Variants in GRIK4 observed in about 807,000 individuals in gnomAD.
GRIK4 encodes the protein glutamate ionotropic receptor kainate type subunit 4.
GRIK4 carries 40 observed loss-of-function variants against 104.9 expected under a neutral mutation model. That is an observed-to-expected ratio of 0.38 (90% CI 0.30 to 0.50). GRIK4 has a LOEUF of 0.50. Among genes scored for constraint, GRIK4 ranks in the 20% least tolerant of loss-of-function variants. GRIK4 has a pLI of 0.93. For synonymous variants in GRIK4, 485 were observed against 524.9 expected (o/e 0.92, Z 1.04); for missense variants, 1,047 against 1,308.1 (o/e 0.80, Z 3.08).
intron 11 of GRIK4, among the ~76,000 whole-genome samples, chr11:120,881,460 A>G (rs1954965755): frequency 6.6e-6 from 1 of 152,214 alleles, no homozygotes; most frequent in Non-Finnish European, 1.5e-5. Flanking sequence ...AGGGCCAGTA[A>G]TAAGCCTTGT....
intron 3 of GRIK4, among the ~76,000 whole-genome samples, chr11:120,746,037 A>G (rs1338747901): frequency 6.6e-6 from 1 of 152,114 alleles, no homozygotes; most frequent in Non-Finnish European, 1.5e-5. Flanking sequence ...TTCCTGGGTG[A>G]AATGGGACCA....
chr11:120,530,184 A>G (rs541363053), intron 1 of GRIK4, among the ~76,000 whole-genome samples: 105 of 152,380 alleles, frequency 6.9e-4, no homozygotes, highest in African/African-American at 2.4e-3. Flanking sequence ...CAGGACATGT[A>G]GGGCTAATTC....
intron 1 of GRIK4, among the ~76,000 whole-genome samples, chr11:120,570,147 A>C (rs1196745435): frequency 7.5e-6 from 1 of 132,848 alleles, no homozygotes; most frequent in Non-Finnish European, 1.6e-5. Context: ...TCAAGGTCGA[A>C]AAGGCTGCAG....
intron 13 of GRIK4, among the ~76,000 whole-genome samples, chr11:120,932,097 C>T (rs948363569): frequency 1.3e-5 from 2 of 152,122 alleles, no homozygotes; most frequent in East Asian, 1.9e-4. Context: ...AGCCCTGTTC[C>T]ACCTTCTCAT....
intron 1 of GRIK4, among the ~76,000 whole-genome samples, chr11:120,588,707 G>A (rs1464435863): frequency 5.3e-5 from 8 of 152,100 alleles, no homozygotes; most frequent in African/African-American, 9.7e-5. Flanking sequence ...ATTTTGGGCC[G>A]CACAATTCCT....
chr11:120,632,369 T>A (rs916082784), intron 1 of GRIK4, among the ~76,000 whole-genome samples: 1 of 152,146 alleles, frequency 6.6e-6, no homozygotes, highest in Non-Finnish European at 1.5e-5. Flanking sequence ...CTCATAGATT[T>A]ATAAGGCTGA....
chr11:120,822,632 T>C (rs771379104), intron 6 of GRIK4, among the ~76,000 whole-genome samples: 2 of 152,246 alleles, frequency 1.3e-5, no homozygotes, highest in Non-Finnish European at 2.9e-5. Flanking sequence ...GCCACGTGGC[T>C]GGTGGCTGCT....
In GRIK4 at chr11:120,634,553, C is replaced by T. The variant is rs568648761; in HGVS notation, c.-158-19132C>T. Among the ~76,000 whole-genome samples, 11 of 152,282 alleles carry T rather than the reference C, an allele frequency of 7.2e-5. No individual in the cohort carries two copies. In the East Asian group the frequency reaches 2.1e-3, roughly 29 times the overall value. On this transcript the variant is annotated intron_variant, in intron 1 of 20. Coordinates refer to ENST00000527524, the MANE Select transcript of GRIK4 (RefSeq NM_014619.5). ...AGCCCTCCCAGACACCAAAGACTCT[C>T]CCAGCCTGCCGGCCTGCCTACCCCA... is the stretch of plus-strand genomic sequence containing the variant.
At chr11:120,811,507 C>T (rs1408788085) in intron 4 of GRIK4, among the ~76,000 whole-genome samples, 1 of 152,124 alleles carries the variant, frequency 6.6e-6, no homozygotes, top group Admixed American at 6.6e-5. Context: ...AGTAATAGTA[C>T]CTATTTCCTC....
chr11:120,823,112 CA>C, intron 6 of GRIK4, among the ~76,000 whole-genome samples: 1 of 152,304 alleles, frequency 6.6e-6, no homozygotes, highest in East Asian at 1.9e-4. Context: ...TGTTAAGAGA[CA>C]GAGGGTATCC....
intron 3 of GRIK4, among the ~76,000 whole-genome samples, chr11:120,702,013 T>A (rs1240858694): frequency 7.2e-6 from 1 of 138,998 alleles, no homozygotes; most frequent in Non-Finnish European, 1.5e-5. Flanking sequence ...TGGAGTGCAG[T>A]GGTGCGATAC....
chr11:120,851,725 C>A (rs377311748), intron 8 of GRIK4, among the ~76,000 whole-genome samples: 1 of 151,264 alleles, frequency 6.6e-6, no homozygotes, highest in Non-Finnish European at 1.5e-5. Context: ...ACTGTGGGAA[C>A]CTATCTGAGA....
intron 1 of GRIK4, among the ~76,000 whole-genome samples, chr11:120,515,729 T>C (rs1947717821): frequency 6.6e-6 from 1 of 152,246 alleles, no homozygotes; most frequent in African/African-American, 2.4e-5. Context: ...TAAGATATAG[T>C]TGTTGCTTGA....
chr11:120,520,627 G>A lies in GRIK4; in HGVS notation c.-159+8740G>A, dbSNP rs538789426. Among the ~76,000 whole-genome samples, 166 of 152,206 alleles carry A rather than the reference G, an allele frequency of 1.1e-3. 1 individual carries two copies. The highest frequency in any genetic ancestry group is 6.7e-3 in the South Asian group (32 of 4,744). On this transcript the variant is annotated intron_variant, in intron 1 of 20. Transcript: ENST00000527524. ...GTCCTGCCCCCACTGGACCAACCAGGGTTGTGTCCACTCACCACCTCCTCC... is the reference window on the plus strand; with the variant it reads ...GTCCTGCCCCCACTGGACCAACCAGAGTTGTGTCCACTCACCACCTCCTCC...
intron 3 of GRIK4, among the ~76,000 whole-genome samples, chr11:120,726,240 T>C (rs761064793): frequency 6.6e-6 from 1 of 152,312 alleles, no homozygotes; most frequent in Non-Finnish European, 1.5e-5. Flanking sequence ...TAGGGTCTTG[T>C]AAGCCATAGT....
chr11:120,708,857 C>T lies in GRIK4; in HGVS notation c.82+48457C>T, dbSNP rs113114808. On this transcript the variant is annotated intron_variant, in intron 3 of 20. Transcript: ENST00000527524. ...CTCTTCTGTCTCCCACCTCTTACCC[C>T]CTCCCGTGCTGTTGGAGGTTGGTTT... Among the ~76,000 whole-genome samples, 15 of 152,274 alleles carry T rather than the reference C, an allele frequency of 9.9e-5. No homozygotes were observed. In the South Asian group the frequency reaches 2.1e-3, roughly 21 times the overall value.
intron 19 of GRIK4, among the ~76,000 whole-genome samples, chr11:120,978,266 T>C (rs1346820947): frequency 1.1e-4 from 16 of 152,170 alleles, no homozygotes; most frequent in Admixed American, 1.0e-3. Flanking sequence ...TTATGCATAA[T>C]AGTGATAAAC....
intron 13 of GRIK4, among the ~76,000 whole-genome samples, chr11:120,928,752 C>T (rs1036768088): frequency 5.3e-5 from 8 of 152,304 alleles, no homozygotes; most frequent in African/African-American, 7.2e-5. Flanking sequence ...TAATTTAACT[C>T]TAAAGAAATT....
At chr11:120,815,168 TG>T (rs1315082662) in intron 4 of GRIK4, among the ~76,000 whole-genome samples, 1 of 152,270 alleles carries the variant, frequency 6.6e-6, no homozygotes, top group Non-Finnish European at 1.5e-5. Flanking sequence ...CATTTAATGC[TG>T]CCCATAAACT....
Sources: gnomAD v4.1 joint callset for allele counts (sites outside exome capture counted in the v4.1 genomes callset) on GRCh38, gnomAD v4.1.1 for gene constraint, MANE v1.5 for transcripts, NCBI Gene and HGNC (gene_info 2026-07-23, HGNC 2026-07-21) for gene names.